The following MUC17 variants were observed in gnomAD, a reference collection of about 807,000 sequenced individuals.
The protein encoded by MUC17 is mucin 17, cell surface associated.
In MUC17, 190 loss-of-function variants were observed where a neutral mutation model predicts 170.3. The ratio of observed to expected loss-of-function variants is 1.12; its 90% CI spans 0.99 to 1.26. MUC17 has a LOEUF of 1.26. Ranked by LOEUF, MUC17 falls within the 50% of genes most tolerant of loss-of-function variation. The pLI is 0.00. For synonymous variants in MUC17, 2,325 were observed against 2,002.5 expected (o/e 1.16, Z -4.30); for missense variants, 6,415 against 5,530.0 (o/e 1.16, Z -5.08).
intron 4 of MUC17, among the ~76,000 whole-genome samples, chr7:101,048,431 T>A (rs67042086): frequency 0.12 from 16,865 of 143,924 alleles, 1,022 homozygotes; most frequent in Middle Eastern, 0.16. Context: ...TTTATTTATT[T>A]AAAAAAAAAA....
chr7:101,055,132 G>A (rs542497655), intron 11 of MUC17, among the ~76,000 whole-genome samples: 1 of 151,804 alleles, frequency 6.6e-6, no homozygotes, highest in South Asian at 2.1e-4. Context: ...GAGGAGGAAG[G>A]GGAAGAGGAA....
rs1284106448 is a variant in MUC17 at position 101,034,000 on chromosome 7, G to C, written c.2584G>C (p.Glu862Gln). 1 of 1,600,020 alleles carries C rather than the reference G, an allele frequency of 6.2e-7. No homozygotes were observed. The highest frequency in any genetic ancestry group is 1.4e-5 in the African/African-American group (1 of 73,916). ...CAGCATGCCAACCTCAACTTATAGT[G>C]AAGGAAGAACTCCTTTAACAAGTAT... Reference protein sequence around the residue: ...GTSMPTSTYSEGRTPLTSMPV... With the variant: ...GTSMPTSTYSQGRTPLTSMPV... Residue 862 changes from glutamate (E) to glutamine (Q), a missense_variant, in exon 3 of 13, where the codon GAA becomes CAA. By Grantham distance (29) the Glu-to-Gln change is conservative (BLOSUM62 2). Coordinates refer to ENST00000306151, the MANE Select transcript of MUC17 (RefSeq NM_001040105.2).
In MUC17 at chr7:101,042,126, T is replaced by C. The variant is rs201023791; in HGVS notation, c.10710T>C (p.Thr3570=). 142 of 1,614,198 alleles carry C rather than the reference T, an allele frequency of 8.8e-5. 1 individual carries two copies. The East Asian group carries it at 2.8e-3, about 32-fold the overall frequency. Residue 3570 remains threonine, a synonymous_variant, in exon 3 of 13, where the codon ACT becomes ACC. Coordinates refer to ENST00000306151, the MANE Select transcript of MUC17 (RefSeq NM_001040105.2). Reference sequence around the variant, plus strand: ...AGGTCACCACTATGCGTATGTCTACTCCAAGTGAAGGAAGCTCTTCATTAA... The same window carrying C: ...AGGTCACCACTATGCGTATGTCTACCCCAAGTGAAGGAAGCTCTTCATTAA... ...TLQVTTMRMS[T]PSEGSSSLTT...
At chr7:101,048,257 G>GTTTTA (rs1202214676) in intron 4 of MUC17, 142 bp downstream of exon 4, 2 of 846,188 alleles carry the variant, frequency 2.4e-6, no homozygotes, top group South Asian at 3.2e-5. Context: ...GTTTTGTTTT[G>GTTTTA]TTTTGTTTCC....
Position 101,040,117 on chromosome 7 carries a change from A to T in MUC17, c.8701A>T (p.Thr2901Ser). The change falls in exon 3 of 13, where the codon ACC becomes TCC. Residue 2901 changes from threonine to serine, a missense_variant. By Grantham distance (58) the Thr-to-Ser change is moderately conservative. Transcript: ENST00000306151. The stretch of plus-strand genomic sequence containing the variant: ...TCCTGTTGATACCAGCATACCTGTC[A>T]CCACTTCTACTGAAGGCAGTTCTTC... ...TTPVDTSIPVTTSTEGSSSPT... is the reference protein window; with the variant it reads ...TTPVDTSIPVSTSTEGSSSPT... The T allele has an allele frequency of 6.2e-7, 1 of 1,612,526 alleles. No individual in the cohort carries two copies. The highest frequency in any genetic ancestry group is 8.5e-7 in the Non-Finnish European group (1 of 1,179,436).
intron 1 of MUC17, among the ~76,000 whole-genome samples, chr7:101,021,415 T>C (rs755961675): frequency 4.6e-5 from 7 of 152,266 alleles, no homozygotes; most frequent in Admixed American, 1.3e-4. Flanking sequence ...CTCAAACTCC[T>C]GATCTCAGGT....
In MUC17 at chr7:101,043,241, C is replaced by T; in HGVS notation, c.11825C>T (p.Pro3942Leu). The T allele has an allele frequency of 6.2e-7, 1 of 1,614,126 alleles. No homozygotes were observed. Among genetic ancestry groups the T allele is most frequent in the Non-Finnish European group, 8.5e-7 (1 of 1,180,028 alleles). The change falls in exon 3 of 13, where the codon CCC becomes CTC. Residue 3942 changes from proline (P) to leucine (L), a missense_variant. By Grantham distance (98) the Pro-to-Leu change is moderately conservative (BLOSUM62 -3). Transcript: ENST00000306151. Reference sequence around the variant, plus strand: ...ACACCTGGGACAACCATTTTTATTCCCAGCACTCCTGTCACCAGTTCTACT... The same window carrying T: ...ACACCTGGGACAACCATTTTTATTCTCAGCACTCCTGTCACCAGTTCTACT... ...GSTPGTTIFI[P>L]STPVTSSTAD...
chr7:101,041,992 A>G lies in MUC17; in HGVS notation c.10576A>G (p.Thr3526Ala). 6.2e-7 allele frequency: 1 copy of G among 1,613,740 alleles called. No individual in the cohort carries two copies. Among genetic ancestry groups the G allele is most frequent in the Non-Finnish European group, 8.5e-7 (1 of 1,179,710 alleles). The change falls in exon 3 of 13, where the codon ACC becomes GCC. Residue 3526 changes from threonine (T) to alanine (A), a missense_variant. Transcript: ENST00000306151. ...TCCATTAACAAATATGCCTGTCAGC[A>G]CCACACCGGTGGCCAGTTCTGAGGC... ...STPLTNMPVS[T>A]TPVASSEAST...
intron 3 of MUC17, among the ~76,000 whole-genome samples, chr7:101,047,246 C>T (rs542003840): frequency 3.0e-4 from 45 of 152,238 alleles, no homozygotes; most frequent in Non-Finnish European, 5.0e-4. Context: ...TGAGGAACAA[C>T]GACCATCTAA....
chr7:101,024,122 C>T (rs1227084174), intron 1 of MUC17, among the ~76,000 whole-genome samples: 2 of 151,632 alleles, frequency 1.3e-5, no homozygotes, highest in Non-Finnish European at 2.9e-5. Flanking sequence ...AATTGCTGAC[C>T]AGGAGTAGTG....
In MUC17 at chr7:101,039,189, T is replaced by C; in HGVS notation, c.7773T>C (p.Ala2591=). Residue 2591 remains alanine (A), a synonymous_variant, in exon 3 of 13, where the codon GCT becomes GCC. Transcript: ENST00000306151. Reference sequence around the variant, plus strand: ...CCAAGCCGTTGGCCAGTTCTGAGGCTAGCACTCTTTCAACAACTCCTGTTG... The same window carrying C: ...CCAAGCCGTTGGCCAGTTCTGAGGCCAGCACTCTTTCAACAACTCCTGTTG... ...VSTKPLASSE[A]STLSTTPVDT... 1 of 1,613,722 alleles carries C rather than the reference T, an allele frequency of 6.2e-7. No homozygotes were observed. The highest frequency in any genetic ancestry group is 2.2e-5 in the East Asian group (1 of 44,876).
rs764241241 is a variant in MUC17 at position 101,037,357 on chromosome 7, A to G, written c.5941A>G (p.Ser1981Gly). The change falls in exon 3 of 13, where the codon AGT becomes GGT. Residue 1981 changes from serine to glycine, a missense_variant. Physicochemically the swap from Ser to Gly is moderately conservative, Grantham distance 56. Coordinates refer to ENST00000306151, the MANE Select transcript of MUC17 (RefSeq NM_001040105.2). ...DGTSMPTPAY[S>G]EGSTPLTSMP... ...TACCAGCATGCCAACCCCAGCTTAT[A>G]GTGAAGGAAGCACTCCACTAACAAG... The G allele has an allele frequency of 1.2e-6, 2 of 1,613,974 alleles. No homozygotes were observed. Among genetic ancestry groups the G allele is most frequent in the African/African-American group, 2.7e-5 (2 of 74,918 alleles).
Position 101,050,630 on chromosome 7 carries a change from G to A in MUC17, c.12869G>A (p.Cys4290Tyr). 1 of 1,613,514 alleles carries A rather than the reference G, an allele frequency of 6.2e-7. No individual in the cohort carries two copies. Among genetic ancestry groups the A allele is most frequent in the Non-Finnish European group, 8.5e-7 (1 of 1,179,660 alleles). The change falls in exon 7 of 13, where the codon TGC becomes TAC. Residue 4290 changes from cysteine to tyrosine, a missense_variant. Coordinates refer to ENST00000306151, the MANE Select transcript of MUC17 (RefSeq NM_001040105.2). The stretch of plus-strand genomic sequence containing the variant: ...CAGCAAATAATGATTAATGATATTT[G>A]CTCAGGTGAACTCTGGGCTTCCAGG... ...TTQQIMINDI[C>Y]SDMMCFNTTG...
rs1051014454 is a variant in MUC17, at chr7:101,047,975, G to A, written c.12404-9G>A. ...ACTTGGAAAGAAAACTTCTGTGATT[G>A]TTCCACAGGCTTTGGAGATGGGTGC... On this transcript the variant is annotated splice_polypyrimidine_tract_variant and intron_variant, in intron 3 of 12. Transcript: ENST00000306151. 3.8e-6 allele frequency: 6 copies of A among 1,576,340 alleles called. No homozygotes were observed. Among genetic ancestry groups the A allele is most frequent in the Middle Eastern group, 1.7e-4 (1 of 5,808 alleles).
rs115812048 is a variant in MUC17 at position 101,030,898 on chromosome 7, T to G, written c.83-222T>G. On this transcript the variant is annotated intron_variant, in intron 1 of 12. Transcript: ENST00000306151. The stretch of plus-strand genomic sequence containing the variant: ...TACGGGCACATGCCACCTGCACAAT[T>G]TGACATTGCTGGACCTCCTCCAGGC... Among the ~76,000 whole-genome samples the G allele has an allele frequency of 5.1e-3, 774 of 152,312 alleles. 6 individuals are homozygous for G. Among genetic ancestry groups the G allele is most frequent in the African/African-American group, 0.017 (723 of 41,570 alleles).
rs139340434 is a variant in MUC17, at chr7:101,037,169, C to T, written c.5753C>T (p.Thr1918Ile). ...PTTADGSSMP[T>I]STPREGRPPL... The stretch of plus-strand genomic sequence containing the variant: ...ACTGCTGACGGTAGCAGCATGCCAA[C>T]CTCAACTCCTAGGGAAGGAAGGCCT... The change falls in exon 3 of 13, where the codon ACC (threonine) becomes ATC (isoleucine). Residue 1918 changes from threonine (T) to isoleucine (I), a missense_variant. Transcript: ENST00000306151. The T allele has an allele frequency of 2.0e-5, 32 of 1,612,582 alleles. No individual in the cohort carries two copies. Among genetic ancestry groups the T allele is most frequent in the Middle Eastern group, 3.3e-4 (2 of 6,060 alleles).
Position 101,049,396 on chromosome 7 carries a change from C to A in MUC17, c.12722+14C>A, listed in dbSNP as rs1471275070. On this transcript the variant is annotated intron_variant, in intron 6 of 12. Transcript: ENST00000306151. ...CACAAAGCTACGGTAAGTGTCTGGG[C>A]CCTTGGGAAGAGGGTCTGTGGCGTG... The A allele has an allele frequency of 3.1e-6, 5 of 1,609,060 alleles. No individual in the cohort carries two copies. Among genetic ancestry groups the A allele is most frequent in the Non-Finnish European group, 4.2e-6 (5 of 1,177,618 alleles).
At chr7:101,051,062 GA>G (rs1314133057) in intron 7 of MUC17, among the ~76,000 whole-genome samples, 1 of 152,010 alleles carries the variant, frequency 6.6e-6, no homozygotes, top group Non-Finnish European at 1.5e-5. Context: ...GATCATGGCA[GA>G]AGAGGGAAGA....
At position 101,053,657 on chromosome 7, in the gene MUC17, C is replaced by A. The variant is rs553938865; in HGVS notation, c.13363+221C>A. The A allele has an allele frequency of 4.7e-5, 20 of 424,206 alleles. No homozygotes were observed. In the South Asian group the frequency reaches 7.1e-4, roughly 15 times the overall value. The allele number at this position is 424,206 out of a possible 1,614,324, so 26.3% of individuals were successfully genotyped here. On this transcript the variant is annotated intron_variant, in intron 11 of 12. Transcript: ENST00000306151. Reference sequence around the variant, plus strand: ...AAAAGGGAGGCTGAGGCAGGTGGACCACTTGAGGTCAGGAGTTTGAGACCA... The same window carrying A: ...AAAAGGGAGGCTGAGGCAGGTGGACAACTTGAGGTCAGGAGTTTGAGACCA...
Sources: allele counts gnomAD v4.1 joint callset (sites outside exome capture counted in the v4.1 genomes callset), GRCh38; gene constraint gnomAD v4.1.1; transcripts MANE v1.5; gene names NCBI Gene and HGNC (gene_info 2026-07-23, HGNC 2026-07-21).